Variants in DPP10 observed in about 807,000 individuals in gnomAD.
DPP10 encodes the protein inactive dipeptidyl peptidase 10.
Under a neutral mutation model 120.9 loss-of-function variants are expected in DPP10, and 33 were observed. The ratio of observed to expected loss-of-function variants is 0.27; its 90% confidence interval spans 0.21 to 0.37. DPP10 has a LOEUF of 0.37. Ranked by LOEUF, DPP10 falls within the 10% of genes least tolerant of loss-of-function variation. DPP10 has a pLI of 1.00. For synonymous variants in DPP10, 337 were observed against 326.1 expected (o/e 1.03, Z -0.36); for missense variants, 816 against 942.8 (o/e 0.87, Z 1.76).
intron 1 of DPP10, among the ~76,000 whole-genome samples, chr2:114,550,264 C>T (rs143878513): frequency 8.2e-4 from 125 of 152,300 alleles, no homozygotes; most frequent in Middle Eastern, 3.4e-3. Context: ...GGACAAAGGG[C>T]CCTCTCCATG....
intron 1 of DPP10, chr2:115,064,609 T>G (rs1706691106): frequency 8.1e-7 from 1 of 1,236,632 alleles, no homozygotes; most frequent in East Asian, 5.8e-5. Flanking sequence ...GGCACTGACG[T>G]AGATTCTTTG....
chr2:115,207,582 G>A (rs1443875796), intron 1 of DPP10, among the ~76,000 whole-genome samples: 1 of 152,086 alleles, frequency 6.6e-6, no homozygotes, highest in Non-Finnish European at 1.5e-5. Context: ...CACGTAGATG[G>A]GAAGGTTATT....
At chr2:115,323,599 C>G (rs1018183545) in intron 2 of DPP10, among the ~76,000 whole-genome samples, 3 of 152,162 alleles carry the variant, frequency 2.0e-5, no homozygotes, top group Non-Finnish European at 4.4e-5. Flanking sequence ...GTATCTATGG[C>G]AGCCTTATCA....
intron 1 of DPP10, among the ~76,000 whole-genome samples, chr2:115,039,465 G>A (rs1031223908): frequency 3.9e-5 from 6 of 152,062 alleles, no homozygotes; most frequent in Non-Finnish European, 5.9e-5. Flanking sequence ...TTCTGAGAGA[G>A]TTTGTAGGCA....
chr2:114,735,432 C>A (rs1677332067), intron 1 of DPP10, among the ~76,000 whole-genome samples: 1 of 152,100 alleles, frequency 6.6e-6, no homozygotes, highest in Non-Finnish European at 1.5e-5. Context: ...AGTTTCAAGA[C>A]TCTAGAAAAT....
chr2:114,883,371 T>G (rs1003736254), intron 1 of DPP10, among the ~76,000 whole-genome samples: 1 of 152,204 alleles, frequency 6.6e-6, no homozygotes, highest in African/African-American at 2.4e-5. Context: ...AAATACAGTT[T>G]GCCTCCTACA....
intron 2 of DPP10, among the ~76,000 whole-genome samples, chr2:115,323,398 T>A (rs751612291): frequency 6.6e-6 from 1 of 152,206 alleles, no homozygotes; most frequent in Non-Finnish European, 1.5e-5. Context: ...TCTGCAGTTA[T>A]TTCCTGCACT....
At chr2:115,214,129 G>T (rs1267901035) in intron 1 of DPP10, among the ~76,000 whole-genome samples, 1 of 152,188 alleles carries the variant, frequency 6.6e-6, no homozygotes, top group Non-Finnish European at 1.5e-5. Context: ...CCTGGCAAAT[G>T]CGGCCAGTGG....
intron 1 of DPP10, among the ~76,000 whole-genome samples, chr2:114,737,328 G>A (rs566067777): frequency 4.6e-5 from 7 of 152,260 alleles, no homozygotes; most frequent in East Asian, 1.9e-4. Flanking sequence ...TGAAGAATGC[G>A]TGCAGGTGCC....
chr2:114,481,604 C>T (rs1208736661), intron 1 of DPP10, among the ~76,000 whole-genome samples: 1 of 152,094 alleles, frequency 6.6e-6, no homozygotes, highest in African/African-American at 2.4e-5. Flanking sequence ...ATAAACTTAT[C>T]ATGGAATACT....
chr2:115,073,172 T>C (rs1422295625), intron 1 of DPP10, among the ~76,000 whole-genome samples: 3 of 152,262 alleles, frequency 2.0e-5, no homozygotes, highest in African/African-American at 7.2e-5. Context: ...ATTTATTGTC[T>C]GTCTAAAATT....
intron 1 of DPP10, among the ~76,000 whole-genome samples, chr2:114,593,461 G>A (rs1357694259): frequency 1.3e-5 from 2 of 152,134 alleles, no homozygotes; most frequent in African/African-American, 4.8e-5. Context: ...TGAGGTAAAT[G>A]CACTAACGCG....
At chr2:115,482,541 T>G (rs1399227386) in intron 3 of DPP10, among the ~76,000 whole-genome samples, 11 of 151,968 alleles carry the variant, frequency 7.2e-5, no homozygotes, top group Non-Finnish European at 1.5e-5. Context: ...CTGATTTTCC[T>G]CCCCCCAGTC....
intron 1 of DPP10, among the ~76,000 whole-genome samples, chr2:115,071,812 G>A (rs914613020): frequency 6.6e-6 from 1 of 152,138 alleles, no homozygotes; most frequent in African/African-American, 2.4e-5. Context: ...ACATTTAGAA[G>A]CTGAGAGGAA....
At chr2:115,176,057 G>A (rs1422408605) in intron 1 of DPP10, among the ~76,000 whole-genome samples, 1 of 151,996 alleles carries the variant, frequency 6.6e-6, no homozygotes, top group Non-Finnish European at 1.5e-5. Flanking sequence ...CAAAAGCAAG[G>A]ATTCTCTAAT....
chr2:114,886,319 T>G (rs1223676692), intron 1 of DPP10, among the ~76,000 whole-genome samples: 1 of 152,208 alleles, frequency 6.6e-6, no homozygotes, highest in Non-Finnish European at 1.5e-5. Context: ...CAAAGCATCC[T>G]TTATGTCAGA....
At position 114,668,308 on chromosome 2, in the gene DPP10, C is replaced by G. The variant is rs556766126; in HGVS notation, c.60+225470C>G. Among the ~76,000 whole-genome samples, 6 of 152,132 alleles carry G rather than the reference C, an allele frequency of 3.9e-5. No homozygotes were observed. The East Asian group carries it at 1.2e-3, about 29-fold the overall frequency. ...TGCCAAAGTTTAAAAATGTGAGAAC[C>G]AGGAGCTGTGTTATCCAAGAGAAGA... On this transcript the variant is annotated intron_variant, in intron 1 of 25. Coordinates refer to ENST00000410059, the MANE Select transcript of DPP10 (RefSeq NM_020868.6).
chr2:114,862,286 TA>T (rs1689869764), intron 1 of DPP10, among the ~76,000 whole-genome samples: 1 of 147,166 alleles, frequency 6.8e-6, no homozygotes, highest in African/African-American at 2.5e-5. Flanking sequence ...AAAAAAAAAA[TA>T]AAAAAGGACT....
At chr2:114,856,103 A>G (rs1016397737) in intron 1 of DPP10, among the ~76,000 whole-genome samples, 5 of 152,224 alleles carry the variant, frequency 3.3e-5, no homozygotes, top group Non-Finnish European at 7.3e-5. Flanking sequence ...ACACTGGACC[A>G]GGCATTGCAT....
Sources: gnomAD v4.1 joint callset for allele counts (sites outside exome capture counted in the v4.1 genomes callset) on GRCh38, gnomAD v4.1.1 for gene constraint, MANE v1.5 for transcripts, NCBI Gene and HGNC (gene_info 2026-07-23, HGNC 2026-07-21) for gene names.